The following APBB2 variants were observed in gnomAD, a reference collection of about 807,000 sequenced individuals.
APBB2 encodes the protein Fe65-like 1.
In APBB2, 38 loss-of-function variants were observed where a neutral mutation model predicts 82.5. The observed-to-expected ratio is 0.46, with a 90% confidence interval of 0.36 to 0.60. APBB2 has a LOEUF of 0.60. APBB2 is among the 20% of genes least tolerant of loss of function. APBB2 has a pLI of 0.00. For missense variants in APBB2, 772 were observed against 972.3 expected (o/e 0.79, Z 2.74); for synonymous variants, 341 against 368.2 (o/e 0.93, Z 0.85).
chr4:40,944,860 T>C lies in APBB2; in HGVS notation c.1044+5A>G, dbSNP rs777313537. On this transcript the variant is annotated splice_donor_5th_base_variant and intron_variant, in intron 7 of 17. Transcript: ENST00000508593. The stretch of plus-strand genomic sequence containing the variant: ...CTAAGCTGGTAAAAAGACACTCCGT[T>C]TTACCTCGTTCTCTGGGGTGGGAGA... 6.2e-7 allele frequency: 1 copy of C among 1,612,238 alleles called. No homozygotes were observed. The highest frequency in any genetic ancestry group is 1.3e-5 in the African/African-American group (1 of 74,954).
rs1742639743 is a variant in APBB2, at chr4:41,093,936, TC to T, written c.-149+6702del. ...AGTCTGACTCCAGGGCATCTGACAG[TC>T]ACTTGCCCTTAACTGTCACTTTGTT... On this transcript the variant is annotated intron_variant, in intron 3 of 17. Coordinates refer to ENST00000508593, the MANE Select transcript of APBB2 (RefSeq NM_004307.2). Among the ~76,000 whole-genome samples, 4 of 151,928 alleles carry T rather than the reference TC, an allele frequency of 2.6e-5. No individual in the cohort carries two copies. The South Asian group carries it at 8.3e-4, about 32-fold the overall frequency.
chr4:40,817,826 A>G (rs1256141058), intron 17 of APBB2, among the ~76,000 whole-genome samples: 1 of 152,196 alleles, frequency 6.6e-6, no homozygotes, highest in East Asian at 1.9e-4. Flanking sequence ...CAAATCAATC[A>G]TATGAAATAT....
At chr4:41,183,182 C>A (rs1392280538) in intron 1 of APBB2, among the ~76,000 whole-genome samples, 1 of 152,130 alleles carries the variant, frequency 6.6e-6, no homozygotes, top group Non-Finnish European at 1.5e-5. Flanking sequence ...TGGAACCTGT[C>A]CACACCACCG....
At chr4:40,960,120 T>G (rs1792684191) in intron 6 of APBB2, among the ~76,000 whole-genome samples, 1 of 152,072 alleles carries the variant, frequency 6.6e-6, no homozygotes, top group Non-Finnish European at 1.5e-5. Context: ...AGCTTTAATA[T>G]TTGATGTAAA....
chr4:41,033,173 CTTTTT>C, intron 5 of APBB2, 58 bp downstream of exon 5: 3 of 1,043,888 alleles, frequency 2.9e-6, no homozygotes, highest in Non-Finnish European at 4.4e-6. Context: ...TAAACATTAT[CTTTTT>C]TTAAGTTTTA....
chr4:40,993,435 G>T (rs1278811436), intron 6 of APBB2, among the ~76,000 whole-genome samples: 2 of 143,772 alleles, frequency 1.4e-5, no homozygotes, highest in African/African-American at 5.2e-5. Context: ...CCAGGCTGAA[G>T]TGCAGTGGTG....
At chr4:41,074,529 A>C (rs1734930090) in intron 3 of APBB2, among the ~76,000 whole-genome samples, 1 of 152,142 alleles carries the variant, frequency 6.6e-6, no homozygotes, top group African/African-American at 2.4e-5. Flanking sequence ...CAATCTATTG[A>C]TTTATCAACA....
At chr4:41,121,604 G>A (rs927386541) in intron 2 of APBB2, among the ~76,000 whole-genome samples, 3 of 152,184 alleles carry the variant, frequency 2.0e-5, no homozygotes, top group East Asian at 1.9e-4. Flanking sequence ...CTCTGCCACC[G>A]TGTTGTGTGT....
chr4:40,920,362 C>G (rs1028439545), intron 10 of APBB2, among the ~76,000 whole-genome samples: 1 of 152,212 alleles, frequency 6.6e-6, no homozygotes, highest in Non-Finnish European at 1.5e-5. Flanking sequence ...TTATAAATTA[C>G]CCAGTCTCGT....
At chr4:41,165,773 T>C (rs959870882) in intron 1 of APBB2, among the ~76,000 whole-genome samples, 4 of 152,086 alleles carry the variant, frequency 2.6e-5, no homozygotes, top group Admixed American at 6.5e-5. Flanking sequence ...AGTCACCAGC[T>C]TGATCGCCCA....
chr4:41,115,768 C>T (rs1302299472), intron 2 of APBB2, among the ~76,000 whole-genome samples: 2 of 152,146 alleles, frequency 1.3e-5, no homozygotes, highest in Non-Finnish European at 2.9e-5. Context: ...CAATGAGATA[C>T]CATCTCATGC....
At chr4:40,998,131 T>C (rs1005487473) in intron 6 of APBB2, among the ~76,000 whole-genome samples, 4 of 152,230 alleles carry the variant, frequency 2.6e-5, no homozygotes, top group Admixed American at 1.3e-4. Flanking sequence ...TGCAAGCTTT[T>C]AAGCAAAAAT....
At chr4:40,898,255 A>G (rs1460879599) in intron 10 of APBB2, among the ~76,000 whole-genome samples, 1 of 152,160 alleles carries the variant, frequency 6.6e-6, no homozygotes, top group Non-Finnish European at 1.5e-5. Flanking sequence ...AATGTTTATT[A>G]TTATTTTTTG....
At position 40,928,042 on chromosome 4, in the gene APBB2, C is replaced by T. The variant is rs980788005; in HGVS notation, c.1254+6414G>A. ...AGATATTAAAGTAACATGAGCACAG[C>T]GGGTGATGGGGATTGAGAAGTGCAA... On this transcript the variant is annotated intron_variant, in intron 10 of 17. Coordinates refer to ENST00000508593, the MANE Select transcript of APBB2 (RefSeq NM_004307.2). Among the ~76,000 whole-genome samples the T allele has an allele frequency of 2.6e-5, 4 of 152,120 alleles. No individual in the cohort carries two copies. The East Asian group carries it at 5.8e-4, about 22-fold the overall frequency.
chr4:41,185,431 A>G (rs1470381647), intron 1 of APBB2, among the ~76,000 whole-genome samples: 7 of 152,306 alleles, frequency 4.6e-5, no homozygotes, highest in Admixed American at 3.3e-4. Flanking sequence ...AGAGGGTTTC[A>G]GGACCCTAAC....
chr4:40,937,926 A>G (rs754608486), intron 7 of APBB2, among the ~76,000 whole-genome samples: 29 of 152,258 alleles, frequency 1.9e-4, no homozygotes, highest in Non-Finnish European at 3.1e-4. Flanking sequence ...ACAACCCAAC[A>G]GAGATTCTTT....
chr4:41,014,497 C>T, intron 5 of APBB2, 99 bp from the exon 6 acceptor site: 1 of 1,107,550 alleles, frequency 9.0e-7, no homozygotes, highest in East Asian at 2.6e-5. Flanking sequence ...AGAAGAAATG[C>T]TTCCACTGCA....
chr4:40,907,337 T>TA (rs1560859905), intron 10 of APBB2, among the ~76,000 whole-genome samples: 4 of 140,772 alleles, frequency 2.8e-5, no homozygotes, highest in South Asian at 2.3e-4. Flanking sequence ...TTAATTTAAT[T>TA]TAATATATTA....
chr4:40,919,447 C>T (rs1780707374), intron 10 of APBB2, among the ~76,000 whole-genome samples: 1 of 152,166 alleles, frequency 6.6e-6, no homozygotes, highest in South Asian at 2.1e-4. Context: ...TCATTAATAA[C>T]CAGTTTATTG....
Sources: gnomAD v4.1 joint callset for allele counts (sites outside exome capture counted in the v4.1 genomes callset) on GRCh38, gnomAD v4.1.1 for gene constraint, MANE v1.5 for transcripts, NCBI Gene and HGNC (gene_info 2026-07-23, HGNC 2026-07-21) for gene names.